The following SIRT3 variants were observed in gnomAD, a reference collection of about 807,000 sequenced individuals.
SIRT3 encodes NAD-dependent protein deacetylase sirtuin-3, mitochondrial.
A neutral mutation model predicts 33.5 loss-of-function variants in SIRT3; 26 were observed. That is an observed-to-expected ratio of 0.78 (90% CI 0.57 to 1.08). The LOEUF is 1.08. Among genes scored for constraint, SIRT3 ranks in the 50% least tolerant of loss-of-function variants. SIRT3 has a pLI of 0.00. For missense variants in SIRT3, 585 were observed against 530.1 expected (o/e 1.10, Z -1.02); for synonymous variants, 237 against 222.1 (o/e 1.07, Z -0.60).
chr11:227,217 A>C (rs369676668), intron 4 of SIRT3, among the ~76,000 whole-genome samples: 16 of 151,782 alleles, frequency 1.1e-4, no homozygotes, highest in East Asian at 8.0e-4. Flanking sequence ...AGGCGGGTGG[A>C]TCATGAGGTC....
rs200834744 is a variant in SIRT3 at position 236,025 on chromosome 11, G to C, written c.281+23C>G. ...GGTGTCGACAACGAACACGCAAGAA[G>C]TGCTTGTCCTTGCCCAAAATACCTC... On this transcript the variant is annotated intron_variant, in intron 1 of 6. Transcript: ENST00000382743. 25 of 1,477,796 alleles carry C rather than the reference G, an allele frequency of 1.7e-5. No individual in the cohort carries two copies. In the Admixed American group the frequency reaches 3.2e-4, roughly 19 times the overall value. The allele number at this position is 1,477,796 out of a possible 1,614,324, so 91.5% of individuals were successfully genotyped here.
In SIRT3 at chr11:236,316, C is replaced by G. The variant is rs1413765501; in HGVS notation, c.13G>C (p.Gly5Arg). 1 of 1,511,516 alleles carries G rather than the reference C, an allele frequency of 6.6e-7. No homozygotes were observed. The highest frequency in any genetic ancestry group is 2.1e-5 in the Admixed American group (1 of 48,356). 93.6% of individuals were successfully genotyped at this position (1,511,516 alleles called of 1,614,324 possible). MAFW[G>R]WRAAAALRLW... is the part of the protein sequence containing the mutation. ...CGGAGGGCTGCCGCGGCGCGCCAAC[C>G]CCAGAACGCCATGTTCCGCGCAGTC... The change falls in exon 1 of 7, where the codon GGT becomes CGT. Residue 5 changes from glycine to arginine, a missense_variant. Coordinates refer to ENST00000382743, the MANE Select transcript of SIRT3 (RefSeq NM_012239.6).
chr11:231,597 C>A, intron 3 of SIRT3, among the ~76,000 whole-genome samples: 1 of 152,192 alleles, frequency 6.6e-6, no homozygotes, highest in East Asian at 1.9e-4. Flanking sequence ...TTCTGAAAGG[C>A]TGCGGTGGCA....
chr11:226,783 C>CG (rs1857233069), intron 4 of SIRT3, among the ~76,000 whole-genome samples: 1 of 133,326 alleles, frequency 7.5e-6, no homozygotes, highest in Admixed American at 7.8e-5. Flanking sequence ...GATGGAGTTT[C>CG]GCTCTTGTTT....
chr11:230,917 A>G (rs1316761811), intron 3 of SIRT3, among the ~76,000 whole-genome samples: 1 of 152,220 alleles, frequency 6.6e-6, no homozygotes, highest in East Asian at 1.9e-4. Context: ...TGAGGCTAGG[A>G]GTTCAAGACC....
chr11:228,512 G>C (rs1291092727), intron 4 of SIRT3, among the ~76,000 whole-genome samples: 1 of 152,106 alleles, frequency 6.6e-6, no homozygotes, highest in Non-Finnish European at 1.5e-5. Context: ...ACAATGCCAA[G>C]ACCACAGTTT....
upstream of SIRT3, chr11:236,534 A>G (rs1859193775): frequency 5.9e-6 from 1 of 168,396 alleles, no homozygotes; most frequent in Admixed American, 6.6e-5. Flanking sequence ...AGGCGAGTAG[A>G]GGAAGTTCCC....
chr11:224,135 C>T lies in SIRT3; in HGVS notation c.912G>A (p.Leu304=). ...FGEPLPQRFL[L]HVVDFPMADL... ...CTGCCATGGGGAAATCAACCACATG[C>T]AGCAAGAACCTCTGGGGCAGCGGCT... Residue 304 remains leucine (L), a synonymous_variant, in exon 5 of 7, where the codon CTG becomes CTA. Coordinates refer to ENST00000382743, the MANE Select transcript of SIRT3 (RefSeq NM_012239.6). The T allele has an allele frequency of 6.2e-7, 1 of 1,614,222 alleles. No individual in the cohort carries two copies. Among genetic ancestry groups the T allele is most frequent in the South Asian group, 1.1e-5 (1 of 91,086 alleles).
At position 236,170 on chromosome 11, in the gene SIRT3, G is replaced by T. The variant is rs889056482; in HGVS notation, c.159C>A (p.Ser53Arg). The change falls in exon 1 of 7, where the codon AGC (serine) becomes AGA (arginine). Residue 53 changes from serine (S) to arginine (R), a missense_variant. Coordinates refer to ENST00000382743, the MANE Select transcript of SIRT3 (RefSeq NM_012239.6). ...CCAAGGGCTCACCGCGGGCCCCATG[G>T]CTGCCTCTCAGCCCCGCACTCACAT... is the stretch of plus-strand genomic sequence containing the variant. The part of the protein sequence containing the change: ...RDDVSAGLRG[S>R]HGARGEPLDP... The T allele has an allele frequency of 8.3e-6, 13 of 1,565,404 alleles. No homozygotes were observed. The highest frequency in any genetic ancestry group is 1.0e-5 in the Non-Finnish European group (12 of 1,157,518).
At chr11:231,077 G>A (rs1335936901) in intron 3 of SIRT3, among the ~76,000 whole-genome samples, 5 of 150,574 alleles carry the variant, frequency 3.3e-5, no homozygotes, top group African/African-American at 1.2e-4. Flanking sequence ...GTGAGCTGAG[G>A]TCGTGCCACC....
intron 3 of SIRT3, among the ~76,000 whole-genome samples, chr11:231,869 A>C (rs1245087639): frequency 6.9e-5 from 2 of 28,872 alleles, no homozygotes; most frequent in African/African-American, 4.5e-4. Flanking sequence ...TCTCTCCGGG[A>C]GCCTGGCTCC....
At chr11:228,661 T>C (rs2133897219) in intron 4 of SIRT3, among the ~76,000 whole-genome samples, 1 of 152,296 alleles carries the variant, frequency 6.6e-6, no homozygotes. Flanking sequence ...TATAAAACTC[T>C]TATAAGAAAA....
At position 230,329 on chromosome 11, in the gene SIRT3, A is replaced by G. The variant is rs1857757904; in HGVS notation, c.807+123T>C. The G allele has an allele frequency of 6.4e-6, 3 of 472,134 alleles. No individual in the cohort carries two copies. The South Asian group carries it at 3.2e-4, about 50-fold the overall frequency. 29.2% of individuals were successfully genotyped at this position (472,134 alleles called of 1,614,324 possible). ...GCATGTATTGATTTTCTAATTTACA[A>G]ATAAAATGTTTCACACTATTATTGT... is the stretch of plus-strand genomic sequence containing the variant. On this transcript the variant is annotated intron_variant, in intron 4 of 6. Coordinates refer to ENST00000382743, the MANE Select transcript of SIRT3 (RefSeq NM_012239.6).
chr11:228,877 T>C (rs1296386853), intron 4 of SIRT3, among the ~76,000 whole-genome samples: 1 of 152,198 alleles, frequency 6.6e-6, no homozygotes, highest in African/African-American at 2.4e-5. Context: ...AGGACTCTCT[T>C]AACAATAAAA....
Position 219,034 on chromosome 11 carries a change from G to C in SIRT3, c.977C>G (p.Pro326Arg). Residue 326 changes from proline (P) to arginine (R), a missense_variant, in exon 6 of 7, where the codon CCT (proline) becomes CGT (arginine). Transcript: ENST00000382743. ...CACGGCCTCGGTCAAGCTGGCAAAA[G>C]GCTCCACCTGAAAAATGGGCCAAAC... ...LILGTSLEVE[P>R]FASLTEAVRS... 1 of 1,611,642 alleles carries C rather than the reference G, an allele frequency of 6.2e-7. No homozygotes were observed. The highest frequency in any genetic ancestry group is 8.5e-7 in the Non-Finnish European group (1 of 1,178,870).
intron 5 of SIRT3, among the ~76,000 whole-genome samples, chr11:220,330 C>CAAAAAAAAAAAAAA (rs55855156): frequency 2.3e-5 from 2 of 87,032 alleles, no homozygotes; most frequent in African/African-American, 4.1e-5. Context: ...GACTCTGTCT[C>CAAAAAAAAAAAAAA]AAAAAAAAAA....
Position 224,093 on chromosome 11 carries a change from A to G in SIRT3, c.954T>C (p.Leu318=). 6.2e-7 allele frequency: 1 copy of G among 1,614,116 alleles called. No homozygotes were observed. The highest frequency in any genetic ancestry group is 8.5e-7 in the Non-Finnish European group (1 of 1,180,000). Residue 318 remains leucine (L), a synonymous_variant, in exon 5 of 7, where the codon CTT becomes CTC. Transcript: ENST00000382743. ...DFPMADLLLI[L]GTSLEVEPFA... ...GCTGACAAACCTCCAGGGAGGTCCC[A>G]AGGATGAGCAGCAGATCTGCCATGG...
chr11:224,374 C>T (rs1345055641), intron 4 of SIRT3, 135 bp from the exon 5 acceptor site: 4 of 919,930 alleles, frequency 4.3e-6, no homozygotes, highest in Non-Finnish European at 6.5e-6. Context: ...CCCCCATGTA[C>T]CCAGCTTCAG....
intron 3 of SIRT3, among the ~76,000 whole-genome samples, chr11:231,123 T>A (rs1196584337): frequency 4.0e-5 from 2 of 49,894 alleles, no homozygotes; most frequent in African/African-American, 1.8e-4. Context: ...AGATTCTGTC[T>A]CAAAAAAAAA....
Sources: allele counts gnomAD v4.1 joint callset (sites outside exome capture counted in the v4.1 genomes callset), GRCh38; gene constraint gnomAD v4.1.1; transcripts MANE v1.5; gene names NCBI Gene and HGNC (gene_info 2026-07-23, HGNC 2026-07-21).